SIRPG: variants seen among roughly 807,000 people sequenced by gnomAD.
The protein encoded by SIRPG is signal-regulatory protein gamma.
Under a neutral mutation model 35.7 loss-of-function variants are expected in SIRPG, and 38 were observed. That is an observed-to-expected ratio of 1.06 (90% CI 0.82 to 1.40). The LOEUF (loss-of-function observed/expected upper bound fraction) is 1.40, where lower values mean the gene tolerates loss of function less well. Ranked by LOEUF, SIRPG falls within the 40% of genes most tolerant of loss-of-function variation. The pLI is 0.00. For synonymous variants in SIRPG, 215 were observed against 190.4 expected (o/e 1.13, Z -1.06); for missense variants, 519 against 483.0 (o/e 1.07, Z -0.70).
chr20:1,685,769 A>C, the SIRPG span, among the ~76,000 whole-genome samples: 1 of 152,184 alleles, frequency 6.6e-6, no homozygotes, highest in African/African-American at 2.4e-5. Context: ...CTGAAGAAGG[A>C]CAGTGGCTGA....
intron 3 of SIRPG, 55 bp downstream of exon 3, chr20:1,636,133 G>C: frequency 6.2e-7 from 1 of 1,611,046 alleles, no homozygotes. Flanking sequence ...CTGGGGAGAG[G>C]GGAGTGGGCT....
At chr20:1,642,851 A>G (rs1055834666) in intron 2 of SIRPG, among the ~76,000 whole-genome samples, 1 of 152,154 alleles carries the variant, frequency 6.6e-6, no homozygotes, top group African/African-American at 2.4e-5. Flanking sequence ...TAGATATGAA[A>G]TTCTGGGTTG....
At chr20:1,658,209 C>T (rs557660037), upstream of SIRPG, among the ~76,000 whole-genome samples, 48 of 152,216 alleles carry the variant, frequency 3.2e-4, no homozygotes, top group Non-Finnish European at 5.7e-4. Context: ...TGGAGAGGAA[C>T]CAGATCTTCT....
chr20:1,682,948 G>A, the SIRPG span, among the ~76,000 whole-genome samples: 1 of 152,312 alleles, frequency 6.6e-6, no homozygotes, highest in African/African-American at 2.4e-5. Flanking sequence ...ACAATCAACA[G>A]AGTGAAGAGA....
At chr20:1,643,777 G>T (rs2091875108) in intron 2 of SIRPG, among the ~76,000 whole-genome samples, 1 of 152,164 alleles carries the variant, frequency 6.6e-6, no homozygotes, top group Non-Finnish European at 1.5e-5. Context: ...TTTTGTTGAT[G>T]CTGTTGTTGC....
intron 5 of SIRPG, 90 bp downstream of exon 5, chr20:1,630,132 C>T: frequency 9.8e-7 from 1 of 1,015,744 alleles, no homozygotes. Context: ...TCCACGGACC[C>T]TGGTGCTGCA....
upstream of SIRPG, among the ~76,000 whole-genome samples, chr20:1,660,844 A>G (rs142749266): frequency 8.2e-3 from 1,251 of 152,302 alleles, 14 homozygotes; most frequent in African/African-American, 0.027. Context: ...AGAAGACTAA[A>G]GATGTAAGAC....
chr20:1,631,272 G>A (rs56040592), intron 4 of SIRPG, among the ~76,000 whole-genome samples: 5,308 of 152,208 alleles, frequency 0.035, 135 homozygotes, highest in Middle Eastern at 0.058. Flanking sequence ...GTTCTCAGCT[G>A]GGTGGCTCTC....
the SIRPG span, among the ~76,000 whole-genome samples, chr20:1,682,242 T>A: frequency 6.6e-6 from 1 of 152,194 alleles, no homozygotes; most frequent in Non-Finnish European, 1.5e-5. Context: ...TTAATGTGCA[T>A]TTCATATAGA....
At position 1,649,106 on chromosome 20, in the gene SIRPG, T is replaced by C. The variant is rs200195769; in HGVS notation, c.376A>G (p.Ser126Gly). Residue 126 changes from serine to glycine, a missense_variant, in exon 2 of 6, where the codon AGC becomes GGC. Physicochemically the swap from Ser to Gly is moderately conservative, Grantham distance 56. Transcript: ENST00000303415. ...GACTTAAACTCCACGTTCTCAGGGC[T>C]CCCTTTTCGAAACTTCACACAGTAG... ...TYYCVKFRKG[S>G]PENVEFKSGP... 1.8e-4 allele frequency: 293 copies of C among 1,613,802 alleles called. No individual in the cohort carries two copies. The highest frequency in any genetic ancestry group is 2.4e-4 in the Non-Finnish European group (283 of 1,179,874).
At chr20:1,635,042 CAA>C (rs11479458) in intron 4 of SIRPG, among the ~76,000 whole-genome samples, 1,565 of 142,772 alleles carry the variant, frequency 0.011, 14 homozygotes, top group Admixed American at 0.016. Context: ...GACTCCGTCT[CAA>C]AAAAAAAAAA....
chr20:1,663,464 T>C, the SIRPG span, among the ~76,000 whole-genome samples: 12 of 152,348 alleles, frequency 7.9e-5, no homozygotes, highest in African/African-American at 2.4e-4. Flanking sequence ...CTCAGTGGTG[T>C]ACTGGAGCAG....
At chr20:1,663,597 C>T in the SIRPG span, among the ~76,000 whole-genome samples, 1 of 152,200 alleles carries the variant, frequency 6.6e-6, no homozygotes, top group African/African-American at 2.4e-5. Flanking sequence ...AATTGACAAG[C>T]GCTATAAATC....
chr20:1,635,303 C>CT lies in SIRPG; in HGVS notation c.1044dup (p.Val349SerfsTer66), dbSNP rs1373465886. 3 of 1,614,014 alleles carry CT rather than the reference C, an allele frequency of 1.9e-6. No individual in the cohort carries two copies. The South Asian group carries it at 3.3e-5, about 18-fold the overall frequency. Reference sequence around the variant, plus strand: ...TCTGAGCTCTGGTCCTTCTGGTGGACTGTGACCTCTAGGGCAAGGCGTTTG... The same window carrying CT: ...TCTGAGCTCTGGTCCTTCTGGTGGACTTGTGACCTCTAGGGCAAGGCGTTTG... On this transcript the variant is annotated frameshift_variant, in exon 4 of 6. Coordinates refer to ENST00000303415, the MANE Select transcript of SIRPG (RefSeq NM_018556.4). LOFTEE classifies it high-confidence loss of function.
chr20:1,678,246 TG>T, the SIRPG span, among the ~76,000 whole-genome samples: 36,248 of 150,996 alleles, frequency 0.24, 5,018 homozygotes, highest in East Asian at 0.58. Context: ...TGTGATACAC[TG>T]TGGGCCCACC....
the SIRPG span, among the ~76,000 whole-genome samples, chr20:1,678,663 A>C: frequency 6.6e-6 from 1 of 152,230 alleles, no homozygotes; most frequent in Admixed American, 6.5e-5. Flanking sequence ...AGATTATTGG[A>C]AGAAATCATG....
In SIRPG at chr20:1,648,998, C is replaced by T. The variant is rs909887517; in HGVS notation, c.430+54G>A. On this transcript the variant is annotated intron_variant, in intron 2 of 5. Transcript: ENST00000303415. ...GTTGCTCAAAGAATGGAAGGTGTTA[C>T]TATTGAGTTATTGTCACACATCAGG... is the stretch of plus-strand genomic sequence containing the variant. The T allele has an allele frequency of 8.3e-6, 12 of 1,440,814 alleles. No individual in the cohort carries two copies. The African/African-American group carries it at 1.5e-4, about 19-fold the overall frequency. The allele number at this position is 1,440,814 out of a possible 1,614,324, so 89.3% of individuals were successfully genotyped here.
the SIRPG span, among the ~76,000 whole-genome samples, chr20:1,680,112 C>T: frequency 6.6e-6 from 1 of 152,336 alleles, no homozygotes; most frequent in Admixed American, 6.5e-5. Flanking sequence ...TTCTTTTACA[C>T]ATCATCGAAA....
At chr20:1,668,248 T>TTTCTTTC in the SIRPG span, among the ~76,000 whole-genome samples, 2 of 106,136 alleles carry the variant, frequency 1.9e-5, no homozygotes, top group African/African-American at 6.8e-5. Context: ...TCTTTCTTTC[T>TTTCTTTC]TTTTCTTTTT....
Sources: gnomAD v4.1 joint callset for allele counts (sites outside exome capture counted in the v4.1 genomes callset) on GRCh38, gnomAD v4.1.1 for gene constraint, MANE v1.5 for transcripts, NCBI Gene and HGNC (gene_info 2026-07-23, HGNC 2026-07-21) for gene names.